The following SRRM4 variants were observed in gnomAD, a reference collection of about 807,000 sequenced individuals.
The protein encoded by SRRM4 is serine/arginine repetitive matrix protein 4.
In SRRM4, 33 loss-of-function variants were observed where a neutral mutation model predicts 68.9. That is an observed-to-expected ratio of 0.48 (90% CI 0.36 to 0.64). The LOEUF (loss-of-function observed/expected upper bound fraction) is 0.64. Among genes scored for constraint, SRRM4 ranks in the 30% least tolerant of loss-of-function variants. SRRM4 has a pLI of 0.00. For missense variants in SRRM4, 817 were observed against 827.1 expected (o/e 0.99, Z 0.15); for synonymous variants, 318 against 318.8 (o/e 1.00, Z 0.03).
chr12:119,129,860 G>A (rs934311678), intron 7 of SRRM4, among the ~76,000 whole-genome samples: 2 of 151,502 alleles, frequency 1.3e-5, no homozygotes, highest in South Asian at 2.1e-4. Context: ...TGGATGAATG[G>A]TTAGTTGGAC....
intron 8 of SRRM4, among the ~76,000 whole-genome samples, chr12:119,143,931 C>T (rs1954384087): frequency 6.6e-6 from 1 of 152,150 alleles, no homozygotes; most frequent in Non-Finnish European, 1.5e-5. Context: ...GGGTCCCTCC[C>T]ATCCGCAGCT....
At chr12:119,124,168 A>G (rs1954242442) in intron 6 of SRRM4, 1 of 152,204 alleles carries the variant, frequency 6.6e-6, no homozygotes, top group Non-Finnish European at 1.5e-5. Context: ...GGCATGAAGT[A>G]TGTGTTAGAT....
At chr12:119,105,808 A>C (rs1164654538) in intron 2 of SRRM4, among the ~76,000 whole-genome samples, 3 of 152,168 alleles carry the variant, frequency 2.0e-5, no homozygotes, top group Non-Finnish European at 1.5e-5. Context: ...TTTGCTGTGC[A>C]GAAGCTCTTT....
At chr12:119,073,350 T>G (rs1953889794) in intron 1 of SRRM4, among the ~76,000 whole-genome samples, 1 of 141,330 alleles carries the variant, frequency 7.1e-6, no homozygotes, top group Non-Finnish European at 1.5e-5. Context: ...TGAGAAGGAG[T>G]CTCACTCTGT....
At chr12:119,092,459 C>T (rs1954019435) in intron 1 of SRRM4, among the ~76,000 whole-genome samples, 1 of 76,032 alleles carries the variant, frequency 1.3e-5, no homozygotes, top group Non-Finnish European at 2.6e-5. Context: ...CATGCTTCCC[C>T]ATCTCAGTTG....
intron 1 of SRRM4, among the ~76,000 whole-genome samples, chr12:119,026,480 C>T (rs968748472): frequency 5.9e-5 from 9 of 151,986 alleles, no homozygotes; most frequent in African/African-American, 2.2e-4. Context: ...AGTGTATGTA[C>T]AGTGATCTCA....
intron 10 of SRRM4, among the ~76,000 whole-genome samples, chr12:119,151,451 GAGGGCTATA>G (rs1419300412): frequency 1.3e-5 from 2 of 152,178 alleles, no homozygotes; most frequent in Admixed American, 1.3e-4. Context: ...AGATTGTTCT[GAGGGCTATA>G]AGGCACTTAG....
Position 119,111,147 on chromosome 12 carries a change from A to G in SRRM4, c.279-3131A>G, listed in dbSNP as rs114401154. Among the ~76,000 whole-genome samples the G allele has an allele frequency of 7.6e-3, 1,153 of 152,338 alleles. 22 individuals carry two copies. Among genetic ancestry groups the G allele is most frequent in the African/African-American group, 0.026 (1,093 of 41,558 alleles). ...CAACTGATACTTATTGAACTGTCAT[A>G]TATTTCATCACTGTATTTAGCCATG... On this transcript the variant is annotated intron_variant, in intron 2 of 12. Coordinates refer to ENST00000267260, the MANE Select transcript of SRRM4 (RefSeq NM_194286.4).
At chr12:119,029,383 G>A (rs4767759) in intron 1 of SRRM4, among the ~76,000 whole-genome samples, 45,676 of 152,096 alleles carry the variant, frequency 0.3, 7,195 homozygotes, top group Non-Finnish European at 0.35. Flanking sequence ...GTTTTGTGCC[G>A]TGTGATTGCC....
rs529467695 is a variant in SRRM4, at chr12:119,024,595, G to T, written c.131+42582G>T. On this transcript the variant is annotated intron_variant, in intron 1 of 12. Coordinates refer to ENST00000267260, the MANE Select transcript of SRRM4 (RefSeq NM_194286.4). ...TCCTGGGTGCCCCCTCCCCTAACAGGCAGCTTGTCAGCTTTGATCTTTTAA... is the reference window on the plus strand; with the variant it reads ...TCCTGGGTGCCCCCTCCCCTAACAGTCAGCTTGTCAGCTTTGATCTTTTAA... Among the ~76,000 whole-genome samples the T allele has an allele frequency of 2.6e-5, 4 of 152,310 alleles. No homozygotes were observed. The South Asian group carries it at 8.3e-4, about 32-fold the overall frequency.
intron 1 of SRRM4, among the ~76,000 whole-genome samples, chr12:119,027,766 T>C (rs1953558627): frequency 6.6e-6 from 1 of 152,228 alleles, no homozygotes; most frequent in South Asian, 2.1e-4. Flanking sequence ...CCTGTCTCCA[T>C]ATTACAGGTA....
At chr12:119,105,352 G>A (rs1014960033) in intron 2 of SRRM4, among the ~76,000 whole-genome samples, 23 of 152,086 alleles carry the variant, frequency 1.5e-4, no homozygotes, top group Admixed American at 5.2e-4. Flanking sequence ...GGATGGCTGC[G>A]TCAAATGATA....
chr12:119,007,232 A>T (rs1489798077), intron 1 of SRRM4, among the ~76,000 whole-genome samples: 1 of 152,124 alleles, frequency 6.6e-6, no homozygotes, highest in Non-Finnish European at 1.5e-5. Flanking sequence ...ACCTCATGAC[A>T]CTCAGAGCTG....
intron 1 of SRRM4, among the ~76,000 whole-genome samples, chr12:119,047,049 A>AAG (rs1953712313): frequency 6.7e-6 from 1 of 150,332 alleles, no homozygotes. Flanking sequence ...AAAAAAAAAA[A>AAG]GTGTGGACTC....
intron 1 of SRRM4, among the ~76,000 whole-genome samples, chr12:119,067,154 T>A (rs1953851213): frequency 1.3e-5 from 2 of 151,954 alleles, no homozygotes; most frequent in Admixed American, 6.6e-5. Flanking sequence ...TCCTTCATTT[T>A]TTTTTTTGGA....
chr12:119,018,635 G>A (rs1242727015), intron 1 of SRRM4, among the ~76,000 whole-genome samples: 1 of 152,036 alleles, frequency 6.6e-6, no homozygotes, highest in African/African-American at 2.4e-5. Flanking sequence ...AAAAGAGAGA[G>A]GTAGAGAGAA....
chr12:119,049,508 T>C (rs1013644760), intron 1 of SRRM4, among the ~76,000 whole-genome samples: 1 of 152,212 alleles, frequency 6.6e-6, no homozygotes, highest in Admixed American at 6.5e-5. Context: ...AGGACTGACA[T>C]AATCTGACTT....
rs940202788 is a variant in SRRM4, at chr12:119,097,595, C to T, written c.132-4641C>T. Reference sequence around the variant, plus strand: ...CAACACCAGGAAGGTGAAATAAGTGCTATTGGAGAAAAAGAAAAATCTACC... The same window carrying T: ...CAACACCAGGAAGGTGAAATAAGTGTTATTGGAGAAAAAGAAAAATCTACC... On this transcript the variant is annotated intron_variant, in intron 1 of 12. Coordinates refer to ENST00000267260, the MANE Select transcript of SRRM4 (RefSeq NM_194286.4). Among the ~76,000 whole-genome samples the T allele has an allele frequency of 4.6e-5, 7 of 152,146 alleles. No homozygotes were observed. In the South Asian group the frequency reaches 1.5e-3, roughly 32 times the overall value.
intron 1 of SRRM4, among the ~76,000 whole-genome samples, chr12:119,076,247 A>G (rs542093350): frequency 1.7e-4 from 26 of 152,318 alleles, no homozygotes; most frequent in Non-Finnish European, 3.2e-4. Context: ...CACTGTGCTT[A>G]GCATTTTGCA....
Sources: gnomAD v4.1 joint callset for allele counts (sites outside exome capture counted in the v4.1 genomes callset) on GRCh38, gnomAD v4.1.1 for gene constraint, MANE v1.5 for transcripts, NCBI Gene and HGNC (gene_info 2026-07-23, HGNC 2026-07-21) for gene names.